Variants in DCUN1D4 observed in about 807,000 individuals in gnomAD.
DCUN1D4 encodes the protein defective in cullin neddylation 1 domain containing 4, also known as DCN1-like protein 4.
DCUN1D4 carries 22 observed loss-of-function variants against 47.9 expected under a neutral mutation model. The observed-to-expected ratio is 0.46, with a 90% CI of 0.33 to 0.66. The LOEUF (loss-of-function observed/expected upper bound fraction) is 0.66. DCUN1D4 is among the 30% of genes least tolerant of loss of function. DCUN1D4 has a pLI of 0.02. For synonymous variants in DCUN1D4, 121 were observed against 112.2 expected (o/e 1.08, Z -0.50); for missense variants, 301 against 340.8 (o/e 0.88, Z 0.92).
At chr4:51,834,089 T>C in the DCUN1D4 span, among the ~76,000 whole-genome samples, 2 of 137,626 alleles carry the variant, frequency 1.5e-5, no homozygotes, top group Admixed American at 7.2e-5. Flanking sequence ...TCTCTCTCTT[T>C]TCTTTTCTTC....
At chr4:51,860,409 A>G (rs905664176) in intron 1 of DCUN1D4, 1 of 317,930 alleles carries the variant, frequency 3.1e-6, no homozygotes, top group South Asian at 2.6e-5. Flanking sequence ...TGTTGTGATT[A>G]TCTGCAGTCA....
intron 7 of DCUN1D4, among the ~76,000 whole-genome samples, chr4:51,896,868 A>G (rs926441294): frequency 3.3e-5 from 5 of 152,090 alleles, no homozygotes; most frequent in African/African-American, 7.2e-5. Flanking sequence ...TGTTCCTAGG[A>G]TGTAATTTTA....
chr4:51,882,155 AT>A (rs2110018553), intron 5 of DCUN1D4, among the ~76,000 whole-genome samples: 1 of 152,330 alleles, frequency 6.6e-6, no homozygotes, highest in Admixed American at 6.5e-5. Flanking sequence ...AGACACATGT[AT>A]TTATAAGTAG....
In DCUN1D4 at chr4:51,913,322, G is replaced by A. The variant is rs762735714; in HGVS notation, c.753G>A (p.Gln251=). 1 of 1,611,344 alleles carries A rather than the reference G, an allele frequency of 6.2e-7. No homozygotes were observed. Among genetic ancestry groups the A allele is most frequent in the South Asian group, 1.1e-5 (1 of 90,670 alleles). ...QSKYKVINKD[Q]WCNVLEFSRT... ...AATACAAAGTTATTAATAAAGACCA[G>A]TGGTGCAATGTCCTAGAGTTTAGCA... The change falls in exon 10 of 11, where the codon CAG becomes CAA. Residue 251 remains glutamine, a synonymous_variant. Coordinates refer to ENST00000334635, the MANE Select transcript of DCUN1D4 (RefSeq NM_001040402.3).
intron 1 of DCUN1D4, among the ~76,000 whole-genome samples, chr4:51,858,358 G>C (rs1193314027): frequency 6.6e-6 from 1 of 152,080 alleles, no homozygotes; most frequent in Admixed American, 6.5e-5. Context: ...GAGTGTTCTT[G>C]GAGTGTTAAT....
chr4:51,839,412 C>T (rs1232035791), upstream of DCUN1D4, among the ~76,000 whole-genome samples: 1 of 152,144 alleles, frequency 6.6e-6, no homozygotes, highest in African/African-American at 2.4e-5. Flanking sequence ...GTTATTAGTA[C>T]TCCACTGTGT....
intron 1 of DCUN1D4, among the ~76,000 whole-genome samples, chr4:51,863,207 A>G (rs1306385232): frequency 6.6e-6 from 1 of 152,166 alleles, no homozygotes; most frequent in African/African-American, 2.4e-5. Flanking sequence ...TTTTTGTTTT[A>G]CCTTAGAATT....
chr4:51,886,901 G>A (rs932129405), intron 6 of DCUN1D4: 16 of 448,370 alleles, frequency 3.6e-5, no homozygotes, highest in African/African-American at 1.0e-4. Flanking sequence ...TTACAAAATG[G>A]TGTGGCCACA....
chr4:51,838,047 C>T (rs1261432501), upstream of DCUN1D4, among the ~76,000 whole-genome samples: 3 of 152,106 alleles, frequency 2.0e-5, no homozygotes, highest in Non-Finnish European at 4.4e-5. Context: ...CATGGTGGCA[C>T]ACGCATGTAG....
chr4:51,891,148 CT>C (rs1376353454), intron 6 of DCUN1D4, among the ~76,000 whole-genome samples: 3 of 152,244 alleles, frequency 2.0e-5, no homozygotes, highest in African/African-American at 4.8e-5. Context: ...GTGTCTCCCC[CT>C]GTCCACCTTG....
chr4:51,896,304 T>G (rs1354534757), intron 7 of DCUN1D4, among the ~76,000 whole-genome samples: 2 of 152,170 alleles, frequency 1.3e-5, no homozygotes, highest in African/African-American at 4.8e-5. Flanking sequence ...AACTTCACAT[T>G]TCTTCTCATA....
upstream of DCUN1D4, among the ~76,000 whole-genome samples, chr4:51,840,544 C>G (rs145146785): frequency 1.6e-4 from 25 of 152,282 alleles, no homozygotes; most frequent in East Asian, 4.6e-3. Flanking sequence ...GATGTCAAGT[C>G]TCTTATTTTT....
At chr4:51,910,289 C>T (rs1396682896) in intron 8 of DCUN1D4, among the ~76,000 whole-genome samples, 1 of 152,140 alleles carries the variant, frequency 6.6e-6, no homozygotes, top group Non-Finnish European at 1.5e-5. Context: ...AAATTAGGAT[C>T]CTTAATTGCA....
At chr4:51,860,738 A>G in intron 1 of DCUN1D4, 1 of 427,928 alleles carries the variant, frequency 2.3e-6, no homozygotes, top group Non-Finnish European at 4.7e-6. Flanking sequence ...AGACAGCACT[A>G]AGCCATGAGG....
At chr4:51,868,936 G>A (rs1384364851) in intron 3 of DCUN1D4, among the ~76,000 whole-genome samples, 4 of 151,970 alleles carry the variant, frequency 2.6e-5, no homozygotes, top group Non-Finnish European at 2.9e-5. Context: ...TGGGCAACAT[G>A]GTGAAACCCC....
At position 51,883,431 on chromosome 4, in the gene DCUN1D4, G is replaced by A. The variant is rs569491127; in HGVS notation, c.344-3137G>A. 2.2e-3 allele frequency among the ~76,000 whole-genome samples: 335 copies of A among 152,216 alleles called. 1 individual carries two copies. The highest frequency in any genetic ancestry group is 4.1e-3 in the Non-Finnish European group (278 of 68,020). On this transcript the variant is annotated intron_variant, in intron 5 of 10. Transcript: ENST00000334635. The stretch of plus-strand genomic sequence containing the variant: ...TGTGTAGTGTGTCTAATACATACAT[G>A]AATGTGCACATGTGGATATATGCAC...
chr4:51,863,560 G>C (rs1183855328), intron 2 of DCUN1D4, 53 bp downstream of exon 2: 18 of 1,577,880 alleles, frequency 1.1e-5, no homozygotes, highest in Non-Finnish European at 1.5e-5. Flanking sequence ...TAGTCATTTT[G>C]TATAAGTGTA....
intron 1 of DCUN1D4, among the ~76,000 whole-genome samples, chr4:51,856,674 C>T (rs1444666018): frequency 2.0e-5 from 3 of 152,186 alleles, no homozygotes; most frequent in Admixed American, 6.5e-5. Flanking sequence ...TCTCTGACTC[C>T]GCTCAAGCTA....
chr4:51,865,478 TCCA>T (rs1725762762), intron 3 of DCUN1D4: 1 of 153,606 alleles, frequency 6.5e-6, no homozygotes. Flanking sequence ...GCTGACCTCC[TCCA>T]CAGACCAGAG....
Sources: allele counts gnomAD v4.1 joint callset (sites outside exome capture counted in the v4.1 genomes callset), GRCh38; gene constraint gnomAD v4.1.1; transcripts MANE v1.5; gene names NCBI Gene and HGNC (gene_info 2026-07-23, HGNC 2026-07-21).